Variants in SEMA3A observed in about 807,000 individuals in gnomAD.
SEMA3A encodes semaphorin 3A.
In SEMA3A, 29 loss-of-function variants were observed where a neutral mutation model predicts 97.9. That is an observed-to-expected ratio of 0.30 (90% CI 0.22 to 0.40). SEMA3A has a LOEUF of 0.40. SEMA3A is among the 10% of genes least tolerant of loss of function. The pLI, the probability that SEMA3A is intolerant of heterozygous loss-of-function variation, is 1.00. For missense variants in SEMA3A, 763 were observed against 951.3 expected (o/e 0.80, Z 2.60); for synonymous variants, 321 against 323.7 (o/e 0.99, Z 0.09).
chr7:84,007,632 AT>A, intron 9 of SEMA3A, 135 bp from the exon 10 acceptor site: 2 of 788,502 alleles, frequency 2.5e-6, no homozygotes, highest in Non-Finnish European at 3.5e-6. Flanking sequence ...AATGTTTGGG[AT>A]TTTTCTAGTC....
intron 2 of SEMA3A, among the ~76,000 whole-genome samples, chr7:84,355,704 T>C (rs1206626475): frequency 6.6e-6 from 1 of 151,852 alleles, no homozygotes; most frequent in Non-Finnish European, 1.5e-5. Context: ...GCCCACATCA[T>C]ATTGTTCCCA....
At chr7:83,993,038 T>C (rs1255772599) in intron 12 of SEMA3A, among the ~76,000 whole-genome samples, 1 of 139,730 alleles carries the variant, frequency 7.2e-6, no homozygotes, top group Non-Finnish European at 1.5e-5. Context: ...TAGTTAGCTC[T>C]TCTTGTTGAA....
At chr7:84,264,703 C>T (rs950961888) in intron 3 of SEMA3A, among the ~76,000 whole-genome samples, 5 of 151,966 alleles carry the variant, frequency 3.3e-5, no homozygotes, top group Non-Finnish European at 7.4e-5. Context: ...GTGGGTAGGG[C>T]GAGGGTTTGG....
At chr7:84,108,252 G>T (rs761328151) in intron 4 of SEMA3A, among the ~76,000 whole-genome samples, 18 of 151,886 alleles carry the variant, frequency 1.2e-4, no homozygotes, top group Non-Finnish European at 2.2e-4. Flanking sequence ...TAAGCAGCTA[G>T]TACCAAGCTG....
chr7:83,994,921 G>C (rs1308040051), intron 12 of SEMA3A, among the ~76,000 whole-genome samples: 1 of 152,074 alleles, frequency 6.6e-6, no homozygotes, highest in Non-Finnish European at 1.5e-5. Context: ...CAGCCTAGCT[G>C]CCGCCTTGCA....
At chr7:84,399,763 C>T (rs1803848655) in intron 1 of SEMA3A, among the ~76,000 whole-genome samples, 1 of 152,188 alleles carries the variant, frequency 6.6e-6, no homozygotes, top group African/African-American at 2.4e-5. Context: ...CTTGAATAAA[C>T]ATTGGTGGCA....
intron 3 of SEMA3A, among the ~76,000 whole-genome samples, chr7:84,203,818 A>C (rs1268390681): frequency 1.3e-5 from 2 of 151,982 alleles, no homozygotes; most frequent in African/African-American, 4.8e-5. Context: ...GGAGTGAGCC[A>C]CAACACCTGG....
intron 13 of SEMA3A, among the ~76,000 whole-genome samples, chr7:83,984,612 T>TTC (rs1789555347): frequency 8.5e-6 from 1 of 117,922 alleles, no homozygotes; most frequent in Non-Finnish European, 1.7e-5. Flanking sequence ...TTTCTGCTTT[T>TTC]TTTTTTTTTT....
At chr7:84,111,816 T>C (rs564552014) in intron 3 of SEMA3A, among the ~76,000 whole-genome samples, 1 of 152,310 alleles carries the variant, frequency 6.6e-6, no homozygotes, top group Non-Finnish European at 1.5e-5. Flanking sequence ...CTCTCTGAAA[T>C]AAATTGATCT....
chr7:84,274,769 C>A (rs1028169802), intron 3 of SEMA3A, among the ~76,000 whole-genome samples: 1 of 151,792 alleles, frequency 6.6e-6, no homozygotes, highest in Non-Finnish European at 1.5e-5. Context: ...CTTTTGAAAG[C>A]AAAAGGAGGT....
chr7:84,403,283 G>A (rs1048630488), intron 1 of SEMA3A, among the ~76,000 whole-genome samples: 1 of 152,188 alleles, frequency 6.6e-6, no homozygotes, highest in African/African-American at 2.4e-5. Flanking sequence ...CTACACCCAC[G>A]AAGCCTCGCT....
At chr7:83,981,168 A>G (rs1203370760) in intron 14 of SEMA3A, among the ~76,000 whole-genome samples, 153 bp downstream of exon 14, 2 of 152,180 alleles carry the variant, frequency 1.3e-5, no homozygotes, top group African/African-American at 4.8e-5. Context: ...AAGAGAAGAG[A>G]AAAAACAAAA....
At chr7:84,206,562 T>A (rs1355599294) in intron 3 of SEMA3A, among the ~76,000 whole-genome samples, 6 of 152,130 alleles carry the variant, frequency 3.9e-5, no homozygotes, top group Non-Finnish European at 8.8e-5. Flanking sequence ...GACCTCGTGA[T>A]CCGCCCGCCT....
intron 1 of SEMA3A, among the ~76,000 whole-genome samples, chr7:84,171,511 CAAAA>C (rs921891381): frequency 5.9e-5 from 9 of 151,966 alleles, no homozygotes; most frequent in African/African-American, 2.2e-4. Flanking sequence ...TTCAAATAAA[CAAAA>C]ATCACTAAAA....
chr7:84,369,682 C>A (rs1802930405), intron 2 of SEMA3A, among the ~76,000 whole-genome samples: 1 of 149,816 alleles, frequency 6.7e-6, no homozygotes, highest in Admixed American at 6.7e-5. Context: ...AGGTGAAAAT[C>A]TAGGTACTGT....
intron 1 of SEMA3A, among the ~76,000 whole-genome samples, chr7:84,162,362 G>C (rs1284394426): frequency 6.6e-6 from 1 of 152,198 alleles, no homozygotes; most frequent in East Asian, 1.9e-4. Flanking sequence ...AGGGTGGGGA[G>C]AGAAGAGAAA....
chr7:84,413,177 T>C (rs911762085), intron 1 of SEMA3A, among the ~76,000 whole-genome samples: 15 of 152,314 alleles, frequency 9.8e-5, no homozygotes, highest in African/African-American at 3.1e-4. Flanking sequence ...GATGCAGTTA[T>C]GACATCACAG....
chr7:84,286,719 C>A (rs1008742113), intron 3 of SEMA3A, among the ~76,000 whole-genome samples: 4 of 152,008 alleles, frequency 2.6e-5, no homozygotes, highest in Admixed American at 6.6e-5. Context: ...CCAAAAAAAA[C>A]CCCTTTCCAT....
At chr7:84,455,963 G>A (rs1201380519) in intron 1 of SEMA3A, among the ~76,000 whole-genome samples, 1 of 151,858 alleles carries the variant, frequency 6.6e-6, no homozygotes, top group Non-Finnish European at 1.5e-5. Flanking sequence ...GATTCATGAA[G>A]GTCATATGGA....
Sources: allele counts gnomAD v4.1 joint callset (sites outside exome capture counted in the v4.1 genomes callset), GRCh38; gene constraint gnomAD v4.1.1; transcripts MANE v1.5; gene names NCBI Gene and HGNC (gene_info 2026-07-23, HGNC 2026-07-21).